DCUN1D4: variants seen among roughly 807,000 people sequenced by gnomAD.
DCUN1D4 encodes the protein defective in cullin neddylation 1 domain containing 4, also known as DCN1-like protein 4.
Under a neutral mutation model 47.9 loss-of-function variants are expected in DCUN1D4, and 22 were observed. That is an observed-to-expected ratio of 0.46 (90% CI 0.33 to 0.66). The LOEUF (loss-of-function observed/expected upper bound fraction) is 0.66. Among genes scored for constraint, DCUN1D4 ranks in the 30% least tolerant of loss-of-function variants. DCUN1D4 has a pLI of 0.02. For missense variants in DCUN1D4, 301 were observed against 340.8 expected (o/e 0.88, Z 0.92); for synonymous variants, 121 against 112.2 (o/e 1.08, Z -0.50).
chr4:51,863,503 A>G lies in DCUN1D4; in HGVS notation c.92A>G (p.Lys31Arg), dbSNP rs1447849424. 1 of 1,611,134 alleles carries G rather than the reference A, an allele frequency of 6.2e-7. No homozygotes were observed. The highest frequency in any genetic ancestry group is 1.7e-5 in the Admixed American group (1 of 59,784). The change falls in exon 2 of 11, where the codon AAG becomes AGG. Residue 31 changes from lysine (K) to arginine (R), a missense_variant. Lys to Arg is a conservative substitution (Grantham distance 26, BLOSUM62 2). Around this residue, in one of 2 missense-constraint regions of DCUN1D4, gnomAD observed 131 missense variants for 106.3 expected, o/e 1.23. Coordinates refer to ENST00000334635, the MANE Select transcript of DCUN1D4 (RefSeq NM_001040402.3). Reference sequence around the variant, plus strand: ...CATAAGATCTACCACACCCTTAATAAGCTGGTAAGTCATTCTTTTAAAGAC... The same window carrying G: ...CATAAGATCTACCACACCCTTAATAGGCTGGTAAGTCATTCTTTTAAAGAC... ...NIHKIYHTLN[K>R]LNLTEDIGQD...
At chr4:51,846,525 T>C (rs1722573026) in intron 1 of DCUN1D4, among the ~76,000 whole-genome samples, 1 of 152,224 alleles carries the variant, frequency 6.6e-6, no homozygotes, top group Non-Finnish European at 1.5e-5. Context: ...TCTTGGCTTA[T>C]TACCTTCTTC....
At chr4:51,894,708 TG>T (rs1052213455) in intron 7 of DCUN1D4, among the ~76,000 whole-genome samples, 1 of 152,210 alleles carries the variant, frequency 6.6e-6, no homozygotes, top group African/African-American at 2.4e-5. Flanking sequence ...TCTTCTATTT[TG>T]GATTTCTTTT....
intron 7 of DCUN1D4, among the ~76,000 whole-genome samples, chr4:51,898,953 G>A (rs1391494569): frequency 6.6e-6 from 1 of 152,140 alleles, no homozygotes; most frequent in African/African-American, 2.4e-5. Context: ...GTGTTGAAGT[G>A]CTTAGGGATG....
chr4:51,845,886 TC>T (rs1266097913), intron 1 of DCUN1D4, among the ~76,000 whole-genome samples: 2 of 152,304 alleles, frequency 1.3e-5, no homozygotes, highest in Non-Finnish European at 2.9e-5. Flanking sequence ...ATCATTTATA[TC>T]TATCTGTCAT....
rs960452592 is a variant in DCUN1D4 at position 51,915,078 on chromosome 4, C to T, written c.*1494C>T. On this transcript the variant is annotated 3_prime_UTR_variant, in exon 11 of 11. Coordinates refer to ENST00000334635, the MANE Select transcript of DCUN1D4 (RefSeq NM_001040402.3). ...TTATTTGGAACTCTGGCTAAAACTT[C>T]TTTCGGGTGACATGTGATCGTTTAA... The T allele has an allele frequency of 4.6e-5, 7 of 152,458 alleles. No individual in the cohort carries two copies. The highest frequency in any genetic ancestry group is 1.7e-4 in the African/African-American group (7 of 41,416). 9.4% of individuals were successfully genotyped at this position (152,458 alleles called of 1,614,324 possible).
chr4:51,866,864 G>A (rs950134125), intron 3 of DCUN1D4, among the ~76,000 whole-genome samples: 6 of 152,180 alleles, frequency 3.9e-5, no homozygotes, highest in Non-Finnish European at 5.9e-5. Context: ...TTTGCCAGCC[G>A]GAAACTTCTG....
At chr4:51,901,102 C>A (rs979059487) in intron 8 of DCUN1D4, among the ~76,000 whole-genome samples, 2 of 152,162 alleles carry the variant, frequency 1.3e-5, no homozygotes, top group Non-Finnish European at 1.5e-5. Flanking sequence ...CATTCTTTCA[C>A]TTCTTACCCT....
chr4:51,887,707 G>A (rs1271626900), intron 6 of DCUN1D4, among the ~76,000 whole-genome samples: 2 of 152,124 alleles, frequency 1.3e-5, no homozygotes, highest in African/African-American at 4.8e-5. Flanking sequence ...CAAGACATCT[G>A]GTGCCCAGGC....
chr4:51,856,038 T>C (rs1724087276), intron 1 of DCUN1D4, among the ~76,000 whole-genome samples: 1 of 152,210 alleles, frequency 6.6e-6, no homozygotes, highest in South Asian at 2.1e-4. Context: ...CCCTGATGAA[T>C]CCCAGTTAGA....
chr4:51,911,112 A>G lies in DCUN1D4; in HGVS notation c.658A>G (p.Met220Val), dbSNP rs1733656233. 1 of 1,613,246 alleles carries G rather than the reference A, an allele frequency of 6.2e-7. No individual in the cohort carries two copies. The highest frequency in any genetic ancestry group is 8.5e-7 in the Non-Finnish European group (1 of 1,179,704). Reference sequence around the variant, plus strand: ...CCTAGACATAAACACTGCCAAGTGCATGTTGGGACTGTTATTAGGAAAAAT... The same window carrying G: ...CCTAGACATAAACACTGCCAAGTGCGTGTTGGGACTGTTATTAGGAAAAAT... ...RSLDINTAKCMLGLLLGKIWP... is the reference protein window; with the variant it reads ...RSLDINTAKCVLGLLLGKIWP... The change falls in exon 9 of 11, where the codon ATG (methionine) becomes GTG (valine). Residue 220 changes from methionine to valine, a missense_variant. Transcript: ENST00000334635.
At chr4:51,859,949 C>T (rs761334106) in intron 1 of DCUN1D4, among the ~76,000 whole-genome samples, 3 of 152,102 alleles carry the variant, frequency 2.0e-5, no homozygotes, top group Non-Finnish European at 2.9e-5. Flanking sequence ...TTCCAGAATA[C>T]GTTCTCGGTA....
At chr4:51,902,613 A>T (rs1211245786) in intron 8 of DCUN1D4, among the ~76,000 whole-genome samples, 3 of 152,048 alleles carry the variant, frequency 2.0e-5, no homozygotes. Flanking sequence ...TAAATCTTTT[A>T]CTTTTAACCT....
At chr4:51,906,082 A>G (rs1217142423) in intron 8 of DCUN1D4, among the ~76,000 whole-genome samples, 1 of 152,156 alleles carries the variant, frequency 6.6e-6, no homozygotes, top group African/African-American at 2.4e-5. Flanking sequence ...ATAAAACCTT[A>G]AAGAAGTCGA....
chr4:51,873,868 T>C (rs1727273963), intron 3 of DCUN1D4, among the ~76,000 whole-genome samples: 2 of 152,336 alleles, frequency 1.3e-5, no homozygotes, highest in African/African-American at 2.4e-5. Context: ...TGCCTACGTG[T>C]ATTTTAGAGT....
At chr4:51,868,953 A>T (rs183575977) in intron 3 of DCUN1D4, among the ~76,000 whole-genome samples, 56 of 152,152 alleles carry the variant, frequency 3.7e-4, no homozygotes, top group Middle Eastern at 3.4e-3. Context: ...CCCCGTCTCT[A>T]CTAAAAATAC....
intron 7 of DCUN1D4, among the ~76,000 whole-genome samples, chr4:51,897,753 A>G (rs1196564264): frequency 6.6e-6 from 1 of 152,190 alleles, no homozygotes; most frequent in Non-Finnish European, 1.5e-5. Flanking sequence ...ATGCTCAGAG[A>G]CTTGTGGGGG....
intron 7 of DCUN1D4, among the ~76,000 whole-genome samples, chr4:51,898,358 G>T (rs1267761326): frequency 2.0e-5 from 3 of 152,138 alleles, no homozygotes; most frequent in African/African-American, 7.2e-5. Context: ...CCTTGTGGCA[G>T]GGGGGCAGAC....
Position 51,886,649 on chromosome 4 carries a change from CT to C in DCUN1D4, c.414+13del. On this transcript the variant is annotated intron_variant, in intron 6 of 10. Coordinates refer to ENST00000334635, the MANE Select transcript of DCUN1D4 (RefSeq NM_001040402.3). ...GTTGAACCAGAAAACGTGAGTCAAA[CT>C]TACTGAGTTGGGTGAATCAGTTGGT... 6.2e-7 allele frequency: 1 copy of C among 1,611,622 alleles called. No homozygotes were observed. The highest frequency in any genetic ancestry group is 1.3e-5 in the African/African-American group (1 of 74,950).
At chr4:51,897,387 C>G (rs1731429489) in intron 7 of DCUN1D4, among the ~76,000 whole-genome samples, 1 of 152,052 alleles carries the variant, frequency 6.6e-6, no homozygotes, top group Non-Finnish European at 1.5e-5. Context: ...CTATTATGAA[C>G]CATTTTAGTT....
Sources: gnomAD v4.1 joint callset for allele counts (sites outside exome capture counted in the v4.1 genomes callset) on GRCh38, gnomAD v4.1.1 for gene constraint, gnomAD v4.1.1 regional missense constraint, MANE v1.5 for transcripts, NCBI Gene and HGNC (gene_info 2026-07-23, HGNC 2026-07-21) for gene names.